TICRR: variants seen among roughly 807,000 people sequenced by gnomAD.
TICRR encodes the protein TOPBP1 interacting checkpoint and replication regulator, also known as treslin.
TICRR carries 132 observed loss-of-function variants against 178.1 expected under a neutral mutation model. That is an observed-to-expected ratio of 0.74 (90% CI 0.64 to 0.86). The LOEUF is 0.86. Among genes scored for constraint, TICRR ranks in the 40% least tolerant of loss-of-function variants. TICRR has a pLI of 0.00. For synonymous variants in TICRR, 991 were observed against 900.7 expected, an observed-to-expected ratio of 1.10 and a Z score of -1.79; for missense variants, 2,587 against 2,334.3, an observed-to-expected ratio of 1.11 and a Z score of -2.23.
chr15:89,619,223 T>TC (rs1963384256), intron 17 of TICRR, among the ~76,000 whole-genome samples: 1 of 139,336 alleles, frequency 7.2e-6, no homozygotes, highest in South Asian at 2.3e-4. Context: ...CCATTCTTCT[T>TC]TTTTTTTTTT....
In TICRR at chr15:89,608,921, TA is replaced by T; in HGVS notation, c.2844del (p.Lys948AsnfsTer15). 1 of 1,600,654 alleles carries T rather than the reference TA, an allele frequency of 6.2e-7. No homozygotes were observed. The highest frequency in any genetic ancestry group is 8.5e-7 in the Non-Finnish European group (1 of 1,176,178). ...TGTCAGCTGTGGATGGTCTAGAGGA[TA>T]AACTTGACAACTTCAAGAAGAACAA... ...SVSAVDGLED[K>X]LDNFKKNKGY... On this transcript the variant is annotated frameshift_variant, in exon 15 of 22. Coordinates refer to ENST00000268138, the MANE Select transcript of TICRR (RefSeq NM_152259.4). LOFTEE classifies it high-confidence loss of function.
Position 89,601,164 on chromosome 15 carries a change from A to C in TICRR, c.2154-134A>C, listed in dbSNP as rs919235302. On this transcript the variant is annotated intron_variant, in intron 9 of 21. Transcript: ENST00000268138. ...CACCTATTTATCTAATAACTACATC[A>C]GTTTTTAGAAAAGGCACTGGCTCTC... is the stretch of plus-strand genomic sequence containing the variant. 38 of 640,158 alleles carry C rather than the reference A, an allele frequency of 5.9e-5. No homozygotes were observed. The African/African-American group carries it at 6.8e-4, about 12-fold the overall frequency. The allele number at this position is 640,158 out of a possible 1,614,324, so 39.7% of individuals were successfully genotyped here.
intron 1 of TICRR, among the ~76,000 whole-genome samples, chr15:89,579,154 A>G (rs1962678197): frequency 6.6e-6 from 1 of 152,104 alleles, no homozygotes; most frequent in South Asian, 2.1e-4. Flanking sequence ...TTCAATACAT[A>G]TTTGTTCCAT....
chr15:89,622,802 C>T (rs1003200816), intron 19 of TICRR, among the ~76,000 whole-genome samples: 6 of 152,284 alleles, frequency 3.9e-5, no homozygotes, highest in South Asian at 2.1e-4. Flanking sequence ...GCCTACAGGC[C>T]GCCACCACCC....
Position 89,624,402 on chromosome 15 carries a change from C to G in TICRR, c.4092C>G (p.Leu1364=). The G allele has an allele frequency of 6.2e-7, 1 of 1,614,192 alleles. No homozygotes were observed. Among genetic ancestry groups the G allele is most frequent in the Non-Finnish European group, 8.5e-7 (1 of 1,180,042 alleles). ...CTGTTCCCTCAACTCCCCCTGAACT[C>G]TCACAGAGAGCTACATTGGACACCG... ...SCPVPSTPPE[L]SQRATLDTVP... The change falls in exon 20 of 22, where the codon CTC becomes CTG. Residue 1364 remains leucine, a synonymous_variant. Transcript: ENST00000268138.
intron 13 of TICRR, among the ~76,000 whole-genome samples, chr15:89,606,394 G>C (rs185163841): frequency 6.6e-6 from 1 of 152,312 alleles, no homozygotes; most frequent in East Asian, 1.9e-4. Context: ...GCTCCACTGA[G>C]TGTTTCCTTT....
chr15:89,578,079 G>C (rs1323920659), intron 1 of TICRR, among the ~76,000 whole-genome samples: 5 of 152,164 alleles, frequency 3.3e-5, no homozygotes, highest in Non-Finnish European at 7.4e-5. Flanking sequence ...TAGTAGGCAA[G>C]GGGAGCAGTG....
chr15:89,580,478 T>G (rs574382649), intron 1 of TICRR, among the ~76,000 whole-genome samples: 3 of 152,198 alleles, frequency 2.0e-5, no homozygotes, highest in African/African-American at 7.2e-5. Flanking sequence ...AGGTTACCAT[T>G]CTCTCCATAG....
Position 89,586,028 on chromosome 15 carries a change from A to G in TICRR, c.1411+86A>G, listed in dbSNP as rs8024752. ...GGGACTTTTTCACTGTGCAGTTAGT[A>G]GAACCCCAATATGTTATAACACAGA... On this transcript the variant is annotated intron_variant, in intron 4 of 21. Transcript: ENST00000268138. 8.3e-3 allele frequency: 7,512 copies of G among 906,050 alleles called. 349 individuals carry two copies. The African/African-American group carries it at 0.11, about 13-fold the overall frequency. The allele number at this position is 906,050 out of a possible 1,614,324, so 56.1% of individuals were successfully genotyped here. A position where few individuals can be genotyped will look rare whatever the true frequency, so the allele number is the denominator to read the frequency against.
At chr15:89,576,821 GTATATATATATATATATATA>G (rs369518649) in intron 1 of TICRR, among the ~76,000 whole-genome samples, 6 of 92,444 alleles carry the variant, frequency 6.5e-5, no homozygotes, top group East Asian at 5.0e-4. Context: ...ATGTGTGTGT[GTATATATATATATATATATA>G]TATATATATA....
Position 89,624,191 on chromosome 15 carries a change from G to C in TICRR, c.3881G>C (p.Arg1294Thr). 4 of 1,614,090 alleles carry C rather than the reference G, an allele frequency of 2.5e-6. No homozygotes were observed. The highest frequency in any genetic ancestry group is 3.4e-6 in the Non-Finnish European group (4 of 1,180,024). The stretch of plus-strand genomic sequence containing the variant: ...GATAAAGCTATCAAAACTCCAAAAA[G>C]ACCAGGGAATTCAACTGTGACTTCT... ...LKDKAIKTPK[R>T]PGNSTVTSSP... The change falls in exon 20 of 22, where the codon AGA becomes ACA. Residue 1294 changes from arginine (R) to threonine (T), a missense_variant. By Grantham distance (71) the Arg-to-Thr change is moderately conservative (BLOSUM62 -1). Coordinates refer to ENST00000268138, the MANE Select transcript of TICRR (RefSeq NM_152259.4).
chr15:89,619,221 CTTT>C lies in TICRR; in HGVS notation c.3020-470_3020-468del, dbSNP rs386383750. 4.5e-3 allele frequency among the ~76,000 whole-genome samples: 505 copies of C among 111,990 alleles called. 6 individuals carry two copies. Among genetic ancestry groups the C allele is most frequent in the African/African-American group, 0.017 (473 of 28,478 alleles). The allele number at this position is 111,990 out of a possible 152,430, so 73.5% of individuals were successfully genotyped here. A position where few individuals can be genotyped will look rare whatever the true frequency, so the allele number is the denominator to read the frequency against. On this transcript the variant is annotated intron_variant, in intron 17 of 21. Transcript: ENST00000268138. Reference sequence around the variant, plus strand: ...CTTGTTTTCGCCCTACACCATTCTTCTTTTTTTTTTTTTTTTTTTGGTGAGACA... The same window carrying C: ...CTTGTTTTCGCCCTACACCATTCTTCTTTTTTTTTTTTTTTTGGTGAGACA...
At chr15:89,576,372 A>G (rs756346439) in intron 1 of TICRR, 132 bp downstream of exon 1, 6 of 858,306 alleles carry the variant, frequency 7.0e-6, no homozygotes, top group Non-Finnish European at 1.0e-5. Flanking sequence ...TCGGAAGGAA[A>G]CAAATAAATA....
intron 2 of TICRR, 146 bp from the exon 3 acceptor site, chr15:89,584,140 A>G: frequency 2.6e-6 from 2 of 783,888 alleles, no homozygotes; most frequent in Non-Finnish European, 3.9e-6. Flanking sequence ...GAAGTGTTCA[A>G]CTAAGTGACA....
At chr15:89,604,409 G>A (rs1286797495) in intron 13 of TICRR, among the ~76,000 whole-genome samples, 1 of 152,216 alleles carries the variant, frequency 6.6e-6, no homozygotes, top group African/African-American at 2.4e-5. Context: ...ATTTTACAAT[G>A]ATTTGCAGAT....
In TICRR at chr15:89,596,042, T is replaced by C. The variant is rs75018919; in HGVS notation, c.1900+431T>C. 4.3e-3 allele frequency among the ~76,000 whole-genome samples: 658 copies of C among 152,208 alleles called. 3 individuals carry two copies. The highest frequency in any genetic ancestry group is 0.015 in the African/African-American group (635 of 41,536). On this transcript the variant is annotated intron_variant, in intron 7 of 21. Transcript: ENST00000268138. ...GTGCTTGATACATGCAAGGGAAGGCTGAAACAACAGTACTGAAGACAGTGT... is the reference window on the plus strand; with the variant it reads ...GTGCTTGATACATGCAAGGGAAGGCCGAAACAACAGTACTGAAGACAGTGT...
At chr15:89,610,994 T>G (rs1338255729) in intron 15 of TICRR, among the ~76,000 whole-genome samples, 1 of 152,134 alleles carries the variant, frequency 6.6e-6, no homozygotes. Context: ...TATATTGTTG[T>G]AGACTGCATC....
chr15:89,578,987 A>T (rs1468845189), intron 1 of TICRR, among the ~76,000 whole-genome samples: 2 of 152,186 alleles, frequency 1.3e-5, no homozygotes, highest in African/African-American at 4.8e-5. Context: ...GGGAGCGTGC[A>T]GTCTGGGAAG....
At chr15:89,609,845 T>A (rs1963231444) in intron 15 of TICRR, among the ~76,000 whole-genome samples, 1 of 152,150 alleles carries the variant, frequency 6.6e-6, no homozygotes, top group South Asian at 2.1e-4. Context: ...TTGCTCTTTT[T>A]CTACTTTTTT....
Sources: allele counts gnomAD v4.1 joint callset (sites outside exome capture counted in the v4.1 genomes callset), GRCh38; gene constraint gnomAD v4.1.1; transcripts MANE v1.5; gene names NCBI Gene and HGNC (gene_info 2026-07-23, HGNC 2026-07-21).